SLC30A8: variants seen among roughly 807,000 people sequenced by gnomAD.
The protein encoded by SLC30A8 is solute carrier family 30 member 8, also known as proton-coupled zinc antiporter SLC30A8.
Under a neutral mutation model 36.9 loss-of-function variants are expected in SLC30A8, and 27 were observed. The observed-to-expected ratio is 0.73, with a 90% CI of 0.54 to 1.01. The LOEUF (loss-of-function observed/expected upper bound fraction) is 1.01, where lower values mean the gene tolerates loss of function less well. SLC30A8 is among the 50% of genes least tolerant of loss of function. The probability of loss-of-function intolerance (pLI) is 0.00; values close to 1 mark genes in which losing one functional copy is unlikely to be tolerated. For synonymous variants in SLC30A8, 164 were observed against 172.4 expected (o/e 0.95, Z 0.38); for missense variants, 439 against 452.0 (o/e 0.97, Z 0.26).
intron 1 of SLC30A8, among the ~76,000 whole-genome samples, chr8:117,145,742 G>A (rs1338736746): frequency 6.6e-6 from 1 of 152,116 alleles, no homozygotes; most frequent in African/African-American, 2.4e-5. Context: ...GAAACACTGA[G>A]CTTGGGATTC....
In SLC30A8 at chr8:117,176,595, T is replaced by A. The variant is rs1823705144; in HGVS notation, c.*3914T>A. ...AAATAAAAAGGTGACCATCTGCGGT[T>A]TAGTTTTTTAACTTTCTGATTTCAC... On this transcript the variant is annotated 3_prime_UTR_variant, in exon 8 of 8. Transcript: ENST00000456015. 6.6e-6 allele frequency: 1 copy of A among 152,516 alleles called. No individual in the cohort carries two copies. The highest frequency in any genetic ancestry group is 1.5e-5 in the Non-Finnish European group (1 of 67,990). The allele number at this position is 152,516 out of a possible 1,614,324, so 9.4% of individuals were successfully genotyped here.
chr8:117,095,951 A>C (rs941050945), intron 2 of SLC30A8, among the ~76,000 whole-genome samples: 5 of 152,154 alleles, frequency 3.3e-5, no homozygotes, highest in African/African-American at 1.2e-4. Context: ...AGTTCAGGGA[A>C]ATTTTTCCTG....
In SLC30A8 at chr8:117,153,119, C is replaced by T. The variant is rs765983307; in HGVS notation, c.418+29C>T. ...CGGTTCATAGAGTGAGCAATAACAG[C>T]AGGCTGGTGCTGCAAAGTCAAACCA... is the stretch of plus-strand genomic sequence containing the variant. On this transcript the variant is annotated intron_variant, in intron 3 of 7. Transcript: ENST00000456015. The T allele has an allele frequency of 5.3e-6, 8 of 1,518,010 alleles. No individual in the cohort carries two copies. The South Asian group carries it at 9.2e-5, about 17-fold the overall frequency. The allele number at this position is 1,518,010 out of a possible 1,614,324, so 94.0% of individuals were successfully genotyped here.
intron 1 of SLC30A8, among the ~76,000 whole-genome samples, chr8:117,011,208 T>C (rs1375140789): frequency 6.6e-6 from 1 of 152,162 alleles, no homozygotes; most frequent in Non-Finnish European, 1.5e-5. Flanking sequence ...TTTGATGACA[T>C]GGAGGAGCCC....
chr8:117,095,107 G>A (rs981031102), intron 2 of SLC30A8, among the ~76,000 whole-genome samples: 2 of 152,200 alleles, frequency 1.3e-5, no homozygotes, highest in Admixed American at 1.3e-4. Context: ...CTGCAGCCAT[G>A]GCTTAGGTGG....
intron 1 of SLC30A8, among the ~76,000 whole-genome samples, chr8:116,960,896 G>C (rs1401618432): frequency 6.6e-6 from 1 of 152,062 alleles, no homozygotes; most frequent in Non-Finnish European, 1.5e-5. Context: ...ATGTTTGCAT[G>C]CTATTGTGAC....
intron 2 of SLC30A8, among the ~76,000 whole-genome samples, chr8:117,052,158 G>C (rs1003119908): frequency 6.6e-6 from 1 of 152,066 alleles, no homozygotes; most frequent in Non-Finnish European, 1.5e-5. Flanking sequence ...TTAAAGGCGT[G>C]CACCACCACA....
chr8:117,164,955 G>T lies in SLC30A8; in HGVS notation c.829+1425G>T, dbSNP rs545269196. On this transcript the variant is annotated intron_variant, in intron 6 of 7. Transcript: ENST00000456015. Reference sequence around the variant, plus strand: ...TCCGTCCTTATGCCTAAAGCTTACTGCCTGCCTCCTCTCCCCCATTCTGCA... The same window carrying T: ...TCCGTCCTTATGCCTAAAGCTTACTTCCTGCCTCCTCTCCCCCATTCTGCA... Among the ~76,000 whole-genome samples, 94 of 152,192 alleles carry T rather than the reference G, an allele frequency of 6.2e-4. 2 individuals carry two copies. In the South Asian group the frequency reaches 0.018, roughly 30 times the overall value.
At chr8:117,022,069 C>T (rs200464753) in intron 1 of SLC30A8, among the ~76,000 whole-genome samples, 29 of 151,684 alleles carry the variant, frequency 1.9e-4, no homozygotes, top group Middle Eastern at 3.4e-3. Flanking sequence ...GCATAGTGGC[C>T]GGCACCTGTA....
chr8:116,968,648 A>AATATATATAT (rs10623413), intron 1 of SLC30A8, among the ~76,000 whole-genome samples: 1 of 149,306 alleles, frequency 6.7e-6, no homozygotes, highest in African/African-American at 2.5e-5. Context: ...CATGACAATG[A>AATATATATAT]ATATATATAT....
intron 2 of SLC30A8, among the ~76,000 whole-genome samples, chr8:117,078,338 A>C (rs571633787): frequency 3.3e-5 from 5 of 152,212 alleles, no homozygotes; most frequent in Non-Finnish European, 5.9e-5. Context: ...CACTCTTCCA[A>C]GCAGGCCACA....
chr8:117,130,339 C>T (rs1279989732), upstream of SLC30A8: 1 of 151,912 alleles, frequency 6.6e-6, no homozygotes, highest in African/African-American at 2.4e-5. Flanking sequence ...AAAGCCAGGC[C>T]TGGAGATTCA....
intron 2 of SLC30A8, among the ~76,000 whole-genome samples, chr8:117,104,583 C>G (rs1819890873): frequency 1.3e-5 from 2 of 152,132 alleles, no homozygotes; most frequent in Admixed American, 1.3e-4. Context: ...GAGAGCTCAT[C>G]AGAATTGCCT....
chr8:117,091,537 A>G (rs1819126416), intron 2 of SLC30A8, among the ~76,000 whole-genome samples: 1 of 152,162 alleles, frequency 6.6e-6, no homozygotes, highest in African/African-American at 2.4e-5. Flanking sequence ...GTAAAACTAA[A>G]TAATATTTGT....
At chr8:117,086,644 C>G (rs1818889455) in intron 2 of SLC30A8, among the ~76,000 whole-genome samples, 1 of 152,144 alleles carries the variant, frequency 6.6e-6, no homozygotes, top group Non-Finnish European at 1.5e-5. Flanking sequence ...CTTGATCCAG[C>G]AGCTGCCAAG....
intron 2 of SLC30A8, among the ~76,000 whole-genome samples, chr8:117,096,685 C>T (rs1211891665): frequency 6.6e-6 from 1 of 152,102 alleles, no homozygotes; most frequent in African/African-American, 2.4e-5. Flanking sequence ...TTTAAACCCT[C>T]ATCATTATTA....
chr8:117,084,433 G>C (rs533414178), intron 2 of SLC30A8, among the ~76,000 whole-genome samples: 1 of 152,122 alleles, frequency 6.6e-6, no homozygotes. Flanking sequence ...AATAAAAGAA[G>C]AAATCAGGAA....
intron 3 of SLC30A8, among the ~76,000 whole-genome samples, chr8:117,156,284 C>A (rs1822483222): frequency 6.6e-6 from 1 of 152,160 alleles, no homozygotes; most frequent in Non-Finnish European, 1.5e-5. Flanking sequence ...CTCAGGCAAT[C>A]CGCTTGCTTC....
chr8:117,060,660 C>T (rs1818001391), intron 2 of SLC30A8, among the ~76,000 whole-genome samples: 2 of 152,114 alleles, frequency 1.3e-5, no homozygotes, highest in Admixed American at 6.6e-5. Flanking sequence ...GACAATTTGG[C>T]TTTTCTTAAA....
Sources: gnomAD v4.1 joint callset for allele counts (sites outside exome capture counted in the v4.1 genomes callset) on GRCh38, gnomAD v4.1.1 for gene constraint, MANE v1.5 for transcripts, NCBI Gene and HGNC (gene_info 2026-07-23, HGNC 2026-07-21) for gene names.